Variants in KIF21A observed in about 807,000 individuals in gnomAD.
KIF21A encodes the protein kinesin family member 21A, also known as kinesin-like protein KIF21A.
In KIF21A, 114 loss-of-function variants were observed where a neutral mutation model predicts 202.9. That is an observed-to-expected ratio of 0.56 (90% CI 0.48 to 0.66). The LOEUF (loss-of-function observed/expected upper bound fraction) is 0.66. KIF21A is among the 30% of genes least tolerant of loss of function. The pLI is 0.00. For synonymous variants in KIF21A, 667 were observed against 670.8 expected (o/e 0.99, Z 0.09); for missense variants, 1,677 against 1,994.9 (o/e 0.84, Z 3.04).
chr12:39,364,254 G>A (rs1949448951), intron 6 of KIF21A, among the ~76,000 whole-genome samples: 1 of 152,012 alleles, frequency 6.6e-6, no homozygotes, highest in South Asian at 2.1e-4. Flanking sequence ...GTGGCAACAG[G>A]ATCACACTTT....
chr12:39,439,794 G>T (rs185747075), intron 1 of KIF21A, among the ~76,000 whole-genome samples: 1 of 152,194 alleles, frequency 6.6e-6, no homozygotes, highest in East Asian at 1.9e-4. Context: ...TTTGGAAATT[G>T]AATAAAAATT....
At chr12:39,413,538 A>C (rs1444926713) in intron 1 of KIF21A, among the ~76,000 whole-genome samples, 1 of 152,258 alleles carries the variant, frequency 6.6e-6, no homozygotes, top group East Asian at 1.9e-4. Flanking sequence ...CTGACAGATA[A>C]TAATTTTGAA....
chr12:39,376,652 G>C (rs1333767092), intron 1 of KIF21A, among the ~76,000 whole-genome samples: 1 of 152,114 alleles, frequency 6.6e-6, no homozygotes, highest in East Asian at 1.9e-4. Context: ...TATAACTTAC[G>C]TGTGCAAGAA....
intron 1 of KIF21A, among the ~76,000 whole-genome samples, chr12:39,390,748 G>GA (rs765623898): frequency 1.2e-4 from 18 of 151,894 alleles, no homozygotes; most frequent in Non-Finnish European, 1.6e-4. Flanking sequence ...AGCACTATTG[G>GA]AAAAAAACAA....
chr12:39,388,425 C>T (rs944797467), intron 1 of KIF21A, among the ~76,000 whole-genome samples: 2 of 152,166 alleles, frequency 1.3e-5, no homozygotes, highest in African/African-American at 2.4e-5. Context: ...CATTACTCAT[C>T]TTCAGGTATT....
At chr12:39,333,969 A>C (rs1277856191) in intron 17 of KIF21A, among the ~76,000 whole-genome samples, 1 of 152,102 alleles carries the variant, frequency 6.6e-6, no homozygotes, top group Admixed American at 6.5e-5. Context: ...TGGGAGGTCA[A>C]GGTGGGAGAA....
intron 1 of KIF21A, among the ~76,000 whole-genome samples, chr12:39,431,882 C>T (rs1303838435): frequency 6.6e-6 from 1 of 152,166 alleles, no homozygotes; most frequent in Non-Finnish European, 1.5e-5. Context: ...AACTAAAATT[C>T]AAAAGCCTCA....
chr12:39,429,995 C>T (rs1382173699), intron 1 of KIF21A, among the ~76,000 whole-genome samples: 1 of 151,998 alleles, frequency 6.6e-6, no homozygotes, highest in Admixed American at 6.6e-5. Context: ...CATGAGAAAA[C>T]TAAGGCTCAT....
chr12:39,430,483 T>C (rs1291351651), intron 1 of KIF21A, among the ~76,000 whole-genome samples: 1 of 151,762 alleles, frequency 6.6e-6, no homozygotes, highest in Non-Finnish European at 1.5e-5. Flanking sequence ...GGAGAATCAC[T>C]TGGACCTGGG....
At chr12:39,412,039 C>T (rs908778643) in intron 1 of KIF21A, among the ~76,000 whole-genome samples, 3 of 151,858 alleles carry the variant, frequency 2.0e-5, no homozygotes, top group African/African-American at 7.2e-5. Context: ...GGGGTTTTTA[C>T]CTTATTGGCC....
intron 12 of KIF21A, among the ~76,000 whole-genome samples, chr12:39,343,059 T>A (rs916106361): frequency 6.6e-6 from 1 of 152,162 alleles, no homozygotes; most frequent in East Asian, 1.9e-4. Context: ...TTTAAATGAA[T>A]CTATATATGA....
chr12:39,326,387 A>G, intron 24 of KIF21A, 63 bp from the exon 25 acceptor site: 1 of 1,095,822 alleles, frequency 9.1e-7, no homozygotes, highest in African/African-American at 1.5e-5. Flanking sequence ...GGTGACTGCA[A>G]TCCATAGGCT....
At chr12:39,307,823 C>T in intron 33 of KIF21A, 94 bp from the exon 34 acceptor site, 1 of 994,452 alleles carries the variant, frequency 1.0e-6, no homozygotes, top group Non-Finnish European at 1.6e-6. Context: ...CTGTAGGCAA[C>T]AACAAGAACA....
At position 39,363,163 on chromosome 12, in the gene KIF21A, G is replaced by A; in HGVS notation, c.954C>T (p.Ala318=). Residue 318 remains alanine, a synonymous_variant, in exon 7 of 38, where the codon GCC becomes GCT. Coordinates refer to ENST00000361418, the MANE Select transcript of KIF21A (RefSeq NM_001173464.2). ...TGGAATCTCTATAGGGGACATGTGT[G>A]GCCCTCTTGCTCTTGTCTCCCAAGG... is the stretch of plus-strand genomic sequence containing the variant. ...ISALGDKSKR[A]THVPYRDSKL... The A allele has an allele frequency of 1.1e-5, 17 of 1,613,276 alleles. No individual in the cohort carries two copies. Among genetic ancestry groups the A allele is most frequent in the Non-Finnish European group, 1.4e-5 (17 of 1,179,522 alleles).
chr12:39,316,041 C>G, intron 29 of KIF21A, 71 bp from the exon 30 acceptor site: 1 of 1,025,488 alleles, frequency 9.8e-7, no homozygotes, highest in Non-Finnish European at 1.6e-6. Context: ...TGACTTTGGA[C>G]TCAAAATCAA....
chr12:39,380,227 C>T (rs112654509), intron 1 of KIF21A, among the ~76,000 whole-genome samples: 2,272 of 152,324 alleles, frequency 0.015, 67 homozygotes, highest in African/African-American at 0.051. Flanking sequence ...CTCAGCCTCC[C>T]AAAATACTCG....
intron 26 of KIF21A, 81 bp from the exon 27 acceptor site, chr12:39,322,963 T>C (rs1350934916): frequency 1.9e-6 from 2 of 1,062,502 alleles, no homozygotes; most frequent in East Asian, 2.4e-5. Flanking sequence ...TTTATATGAG[T>C]TTGAAATAGG....
At chr12:39,378,245 G>A (rs1950385011) in intron 1 of KIF21A, among the ~76,000 whole-genome samples, 1 of 152,116 alleles carries the variant, frequency 6.6e-6, no homozygotes, top group African/African-American at 2.4e-5. Context: ...TTCATCTAAG[G>A]ACACAGAACA....
intron 12 of KIF21A, among the ~76,000 whole-genome samples, chr12:39,343,604 T>A (rs943131537): frequency 6.6e-6 from 1 of 152,198 alleles, no homozygotes; most frequent in Non-Finnish European, 1.5e-5. Context: ...ATTATAGCTA[T>A]AACTTTAATG....
Sources: allele counts gnomAD v4.1 joint callset (sites outside exome capture counted in the v4.1 genomes callset), GRCh38; gene constraint gnomAD v4.1.1; transcripts MANE v1.5; gene names NCBI Gene and HGNC (gene_info 2026-07-23, HGNC 2026-07-21).